TANC2: variants seen among roughly 807,000 people sequenced by gnomAD.
TANC2 encodes the protein protein TANC2.
A neutral mutation model predicts 210.5 loss-of-function variants in TANC2; 26 were observed. The ratio of observed to expected loss-of-function variants is 0.12; its 90% CI spans 0.09 to 0.17. The LOEUF (loss-of-function observed/expected upper bound fraction) is 0.17. Among genes scored for constraint, TANC2 ranks in the 10% least tolerant of loss-of-function variants. The probability of loss-of-function intolerance (pLI) is 1.00; values close to 1 mark genes in which losing one functional copy is unlikely to be tolerated. For synonymous variants in TANC2, 931 were observed against 967.1 expected (o/e 0.96, Z 0.69); for missense variants, 2,129 against 2,608.9 (o/e 0.82, Z 4.01).
chr17:63,100,744 C>T (rs1309441681), intron 4 of TANC2, among the ~76,000 whole-genome samples: 1 of 152,266 alleles, frequency 6.6e-6, no homozygotes, highest in Non-Finnish European at 1.5e-5. Context: ...TACCGCTTTC[C>T]TATCCCATTT....
chr17:63,244,205 C>T (rs1231499416), intron 8 of TANC2, among the ~76,000 whole-genome samples: 1 of 152,194 alleles, frequency 6.6e-6, no homozygotes, highest in Admixed American at 6.5e-5. Context: ...AGAAAGTCAA[C>T]AAGCAAAATG....
chr17:63,089,163 G>C (rs2037088308), intron 3 of TANC2: 1 of 152,232 alleles, frequency 6.6e-6, no homozygotes, highest in South Asian at 2.1e-4. Flanking sequence ...CTGAGATTGT[G>C]AGACGAAAAC....
chr17:63,295,851 A>T lies in TANC2; in HGVS notation c.1160-18537A>T, dbSNP rs115128494. On this transcript the variant is annotated intron_variant, in intron 9 of 27. Transcript: ENST00000689528. ...TTAGACTTGTCCATAAAAATACTAT[A>T]AGAATTTTATGAGGGGCCCATAATT... 7.2e-3 allele frequency among the ~76,000 whole-genome samples: 1,103 copies of T among 152,314 alleles called. 15 individuals carry two copies. The highest frequency in any genetic ancestry group is 0.026 in the African/African-American group (1,062 of 41,576).
chr17:63,133,431 T>A (rs2038988760), intron 4 of TANC2, among the ~76,000 whole-genome samples: 1 of 152,124 alleles, frequency 6.6e-6, no homozygotes, highest in African/African-American at 2.4e-5. Flanking sequence ...CCACGTTGAT[T>A]GACTAGGATC....
In TANC2 at chr17:63,147,235, C is replaced by G. The variant is rs115701851; in HGVS notation, c.323-4035C>G. ...GCACATGACTGTGGTCCCGACTACT[C>G]GGAAGGCTGAGATGGGAGAATCACT... On this transcript the variant is annotated intron_variant, in intron 4 of 27. Transcript: ENST00000689528. 4.3e-3 allele frequency among the ~76,000 whole-genome samples: 657 copies of G among 151,974 alleles called. 6 individuals are homozygous for G. The highest frequency in any genetic ancestry group is 0.014 in the African/African-American group (573 of 41,442).
At chr17:63,270,238 GT>G (rs2043657805) in intron 9 of TANC2, among the ~76,000 whole-genome samples, 1 of 152,074 alleles carries the variant, frequency 6.6e-6, no homozygotes, top group Admixed American at 6.6e-5. Flanking sequence ...CTTAATTATT[GT>G]TTACAGATGA....
At chr17:63,003,005 A>G (rs538763363) in intron 1 of TANC2, among the ~76,000 whole-genome samples, 2 of 152,316 alleles carry the variant, frequency 1.3e-5, no homozygotes, top group Non-Finnish European at 2.9e-5. Context: ...GGAGTCATGC[A>G]TTAGGTGTAC....
chr17:63,388,835 A>T, intron 16 of TANC2, 78 bp downstream of exon 16: 1 of 1,104,580 alleles, frequency 9.1e-7, no homozygotes, highest in South Asian at 2.2e-5. Flanking sequence ...TTAAGTAGCT[A>T]TTTAGTTGAT....
intron 22 of TANC2, 115 bp from the exon 23 acceptor site, chr17:63,411,883 C>T: frequency 6.7e-7 from 1 of 1,485,878 alleles, no homozygotes; most frequent in South Asian, 1.3e-5. Flanking sequence ...TACATGGCAG[C>T]ATAGCCTGGG....
chr17:63,163,411 G>A (rs1598502366), intron 5 of TANC2, among the ~76,000 whole-genome samples: 1 of 152,260 alleles, frequency 6.6e-6, no homozygotes, highest in East Asian at 1.9e-4. Flanking sequence ...CTGTTGGAGA[G>A]TATGAGAGTA....
At chr17:63,388,267 G>T (rs1305589350) in intron 15 of TANC2, among the ~76,000 whole-genome samples, 1 of 152,192 alleles carries the variant, frequency 6.6e-6, no homozygotes, top group Non-Finnish European at 1.5e-5. Flanking sequence ...GGAAGAAAAT[G>T]AAATGGAAAT....
intron 2 of TANC2, among the ~76,000 whole-genome samples, chr17:63,045,531 G>T (rs1348889960): frequency 6.6e-6 from 1 of 151,906 alleles, no homozygotes. Flanking sequence ...TTGAAGTTTT[G>T]TTTTTCACTT....
intron 19 of TANC2, among the ~76,000 whole-genome samples, chr17:63,400,722 C>A (rs937456064): frequency 6.6e-6 from 1 of 151,892 alleles, no homozygotes; most frequent in African/African-American, 2.4e-5. Context: ...CGGCTCACTG[C>A]AACCTCTGCC....
intron 6 of TANC2, among the ~76,000 whole-genome samples, chr17:63,199,879 A>G (rs1222914010): frequency 6.6e-6 from 1 of 152,220 alleles, no homozygotes; most frequent in African/African-American, 2.4e-5. Context: ...CAGAGAAGTT[A>G]TTTAGGTTTG....
Position 63,034,893 on chromosome 17 carries a change from A to G in TANC2, c.67+25267A>G, listed in dbSNP as rs189556838. Among the ~76,000 whole-genome samples, 146 of 152,330 alleles carry G rather than the reference A, an allele frequency of 9.6e-4. 2 individuals are homozygous for G. Among genetic ancestry groups the G allele is most frequent in the Middle Eastern group, 6.8e-3 (2 of 294 alleles). On this transcript the variant is annotated intron_variant, in intron 2 of 27. Coordinates refer to ENST00000689528, the Ensembl canonical transcript of TANC2. ...GAGATGGAATCTGTGTCTGGTGAAG[A>G]TGCTGTGAACATTGTTGAAATGACA...
At chr17:63,266,866 G>T (rs1309449728) in intron 8 of TANC2, among the ~76,000 whole-genome samples, 1 of 151,806 alleles carries the variant, frequency 6.6e-6, no homozygotes, top group Non-Finnish European at 1.5e-5. Context: ...TGTTGTTGTT[G>T]TTTGAAACAG....
At chr17:63,072,362 G>C (rs1456305623) in intron 2 of TANC2, among the ~76,000 whole-genome samples, 1 of 152,022 alleles carries the variant, frequency 6.6e-6, no homozygotes, top group Admixed American at 6.5e-5. Context: ...AATTTCAACA[G>C]AGGCAGATCA....
chr17:63,403,227 C>G (rs1283832199), intron 19 of TANC2, among the ~76,000 whole-genome samples: 1 of 152,178 alleles, frequency 6.6e-6, no homozygotes, highest in African/African-American at 2.4e-5. Context: ...TTCTGAAATT[C>G]TGTATTTTCT....
chr17:63,383,158 G>T (rs1019342189), intron 15 of TANC2, among the ~76,000 whole-genome samples: 2 of 152,084 alleles, frequency 1.3e-5, no homozygotes, highest in Admixed American at 1.3e-4. Context: ...TTAACATCTT[G>T]TACTGATGTG....
Sources: allele counts gnomAD v4.1 joint callset (sites outside exome capture counted in the v4.1 genomes callset), GRCh38; gene constraint gnomAD v4.1.1; transcripts MANE v1.5; gene names NCBI Gene and HGNC (gene_info 2026-07-23, HGNC 2026-07-21).